ABCA10: variants seen among roughly 807,000 people sequenced by gnomAD.
The protein encoded by ABCA10 is ATP binding cassette subfamily A member 10, also known as ATP-binding cassette sub-family A member 10.
ABCA10 carries 169 observed loss-of-function variants against 187.5 expected under a neutral mutation model. The ratio of observed to expected loss-of-function variants is 0.90; its 90% CI spans 0.80 to 1.02. The LOEUF (loss-of-function observed/expected upper bound fraction) is 1.02, where lower values mean the gene tolerates loss of function less well. Among genes scored for constraint, ABCA10 ranks in the 50% least tolerant of loss-of-function variants. The pLI, the probability that ABCA10 is intolerant of heterozygous loss-of-function variation, is 0.00. For synonymous variants in ABCA10, 574 were observed against 601.8 expected (o/e 0.95, Z 0.68); for missense variants, 1,727 against 1,812.4 (o/e 0.95, Z 0.86).
Position 69,182,182 on chromosome 17 carries a change from T to A in ABCA10, c.2740A>T (p.Ile914Phe). 11 of 1,589,658 alleles carry A rather than the reference T, an allele frequency of 6.9e-6. No homozygotes were observed. Among genetic ancestry groups the A allele is most frequent in the Non-Finnish European group, 9.4e-6 (11 of 1,168,148 alleles). Residue 914 changes from isoleucine to phenylalanine, a missense_variant, in exon 22 of 39, where the codon ATT becomes TTT. By Grantham distance (21) the Ile-to-Phe change is conservative. Transcript: ENST00000690296. ...LMGIFNFTEL[I>F]QMESTSFSRD... Reference sequence around the variant, plus strand: ...GAAAATGAAGTGCTCTCCATTTGAATAAGCTCCGTGAAGTTAAAAATTCCC... The same window carrying A: ...GAAAATGAAGTGCTCTCCATTTGAAAAAGCTCCGTGAAGTTAAAAATTCCC...
At chr17:69,150,145 T>C (rs934628111) in intron 36 of ABCA10, 82 bp from the exon 37 acceptor site, 1 of 967,262 alleles carries the variant, frequency 1.0e-6, no homozygotes, top group Non-Finnish European at 1.6e-6. Flanking sequence ...AGTAAAATAA[T>C]TTTTCAATGT....
intron 22 of ABCA10, among the ~76,000 whole-genome samples, chr17:69,176,579 G>T (rs1568056837): frequency 6.6e-6 from 1 of 152,032 alleles, no homozygotes; most frequent in Non-Finnish European, 1.5e-5. Flanking sequence ...AATCATCAGT[G>T]TAAGGGAAGG....
chr17:69,190,605 C>A, intron 17 of ABCA10, 128 bp from the exon 18 acceptor site: 1 of 812,462 alleles, frequency 1.2e-6, no homozygotes, highest in Non-Finnish European at 1.8e-6. Flanking sequence ...TCACAATAAT[C>A]CAAGGAAACC....
intron 1 of ABCA10, chr17:69,233,905 G>A (rs1199705307): frequency 6.6e-6 from 1 of 152,214 alleles, no homozygotes; most frequent in African/African-American, 2.4e-5. Context: ...TACCCAGGTT[G>A]TATGAAAAAT....
chr17:69,226,337 AATAAAT>A (rs2144853916), intron 2 of ABCA10, among the ~76,000 whole-genome samples: 1 of 152,168 alleles, frequency 6.6e-6, no homozygotes, highest in Non-Finnish European at 1.5e-5. Flanking sequence ...TCTAGTGAGT[AATAAAT>A]ATAGATGTAT....
intron 27 of ABCA10, among the ~76,000 whole-genome samples, chr17:69,161,263 G>T (rs898579847): frequency 2.0e-5 from 3 of 152,136 alleles, no homozygotes; most frequent in African/African-American, 7.2e-5. Context: ...GGGGAAAAGG[G>T]AAATTGTTTA....
chr17:69,177,727 G>A (rs2144783515), intron 22 of ABCA10, among the ~76,000 whole-genome samples: 1 of 151,802 alleles, frequency 6.6e-6, no homozygotes, highest in South Asian at 2.1e-4. Flanking sequence ...GCTGAGGCGG[G>A]TGGATCACCT....
intron 22 of ABCA10, among the ~76,000 whole-genome samples, chr17:69,177,967 A>ATATATATATATATATATATATGTT (rs1472912673): frequency 1.3e-5 from 1 of 78,670 alleles, no homozygotes; most frequent in African/African-American, 3.1e-5. Flanking sequence ...AAAAAAAAAA[A>ATATATATATATATATATATATGTT]AAAAAAATAT....
At chr17:69,211,445 T>A (rs1228909879) in intron 9 of ABCA10, among the ~76,000 whole-genome samples, 3 of 150,658 alleles carry the variant, frequency 2.0e-5, no homozygotes, top group Non-Finnish European at 4.4e-5. Flanking sequence ...GTTTTCTTTT[T>A]TTGTTATGCC....
chr17:69,150,124 T>A, intron 36 of ABCA10, 61 bp from the exon 37 acceptor site: 1 of 1,234,190 alleles, frequency 8.1e-7, no homozygotes, highest in Non-Finnish European at 1.2e-6. Flanking sequence ...GGGGGAGGAA[T>A]TAATAGGCAA....
chr17:69,193,608 T>C lies in ABCA10; in HGVS notation c.1526A>G (p.Lys509Arg). The C allele has an allele frequency of 6.2e-7, 1 of 1,602,072 alleles. No homozygotes were observed. Among genetic ancestry groups the C allele is most frequent in the Non-Finnish European group, 8.5e-7 (1 of 1,173,598 alleles). ...IQPKEVEQEV[K>R]RIIMELDMQS... The stretch of plus-strand genomic sequence containing the variant: ...CATGTCTAATTCCATTATAATTCTT[T>C]TTACCTATCAAAGAAAACTCTGTGT... Residue 509 changes from lysine (K) to arginine (R), a missense_variant, in exon 14 of 39, where the codon AAA (lysine) becomes AGA (arginine). Lys to Arg is a conservative substitution (Grantham distance 26, BLOSUM62 2). Transcript: ENST00000690296.
intron 3 of ABCA10, chr17:69,223,486 CT>C: frequency 3.3e-6 from 1 of 303,778 alleles, no homozygotes; most frequent in Non-Finnish European, 6.4e-6. Context: ...CTAACAGAAG[CT>C]TTGAAAATCA....
intron 1 of ABCA10, among the ~76,000 whole-genome samples, chr17:69,236,582 T>G (rs1216354196): frequency 6.6e-6 from 1 of 152,190 alleles, no homozygotes; most frequent in African/African-American, 2.4e-5. Context: ...GCACTGAGTA[T>G]GAAACATTAC....
intron 9 of ABCA10, among the ~76,000 whole-genome samples, chr17:69,214,407 T>G (rs925360316): frequency 6.7e-6 from 1 of 149,906 alleles, no homozygotes; most frequent in Non-Finnish European, 1.5e-5. Context: ...CCCAGCTACT[T>G]GGGAGGCTGA....
upstream of ABCA10, among the ~76,000 whole-genome samples, chr17:69,230,568 G>A (rs2074825784): frequency 6.6e-6 from 1 of 152,034 alleles, no homozygotes. Context: ...TTAGGCTTAT[G>A]CACATCCACG....
chr17:69,185,909 T>C (rs983732971), intron 19 of ABCA10, among the ~76,000 whole-genome samples: 2 of 152,128 alleles, frequency 1.3e-5, no homozygotes, highest in African/African-American at 2.4e-5. Context: ...GGTATGCTGG[T>C]TTACCAGGAA....
At chr17:69,194,073 T>G in intron 12 of ABCA10, 84 bp from the exon 13 acceptor site, 1 of 1,305,872 alleles carries the variant, frequency 7.7e-7, no homozygotes, top group Non-Finnish European at 1.0e-6. Flanking sequence ...TTAGATTTTG[T>G]TCAAAAAACT....
intron 27 of ABCA10, among the ~76,000 whole-genome samples, chr17:69,159,887 A>G (rs1251326280): frequency 6.6e-6 from 1 of 152,174 alleles, no homozygotes; most frequent in African/African-American, 2.4e-5. Context: ...TGCCAAGACC[A>G]CTCAATGTGA....
rs775986016 is a variant in ABCA10, at chr17:69,164,062, A to G, written c.3363+12T>C. 1.9e-5 allele frequency: 29 copies of G among 1,529,416 alleles called. No individual in the cohort carries two copies. The South Asian group carries it at 2.1e-4, about 11-fold the overall frequency. The allele number at this position is 1,529,416 out of a possible 1,614,324, so 94.7% of individuals were successfully genotyped here. On this transcript the variant is annotated intron_variant, in intron 27 of 38. Transcript: ENST00000690296. ...ATGCAATATATATATTTAGGTAGAA[A>G]ATGTTCCTTACTATTAAGGTTGTTA...
Sources: allele counts gnomAD v4.1 joint callset (sites outside exome capture counted in the v4.1 genomes callset), GRCh38; gene constraint gnomAD v4.1.1; transcripts MANE v1.5; gene names NCBI Gene and HGNC (gene_info 2026-07-23, HGNC 2026-07-21).